The following SLC36A1 variants were observed in gnomAD, a reference collection of about 807,000 sequenced individuals.
The protein encoded by SLC36A1 is proton-coupled amino acid transporter 1.
SLC36A1 carries 30 observed loss-of-function variants against 47.5 expected under a neutral mutation model. That is an observed-to-expected ratio of 0.63 (90% CI 0.47 to 0.86). SLC36A1 has a LOEUF of 0.86. Ranked by LOEUF, SLC36A1 falls within the 40% of genes least tolerant of loss-of-function variation. The probability of loss-of-function intolerance (pLI) is 0.00; values close to 1 mark genes in which losing one functional copy is unlikely to be tolerated. For synonymous variants in SLC36A1, 255 were observed against 249.7 expected (o/e 1.02, Z -0.20); for missense variants, 517 against 606.0 (o/e 0.85, Z 1.54).
intron 1 of SLC36A1, among the ~76,000 whole-genome samples, chr5:151,452,032 C>A (rs1053246372): frequency 6.6e-6 from 1 of 152,118 alleles, no homozygotes; most frequent in African/African-American, 2.4e-5. Flanking sequence ...GGAGCTTGAC[C>A]TTCTCTAAAG....
intron 9 of SLC36A1, 30 bp from the exon 10 acceptor site, chr5:151,479,290 G>T: frequency 6.2e-7 from 1 of 1,610,634 alleles, no homozygotes; most frequent in South Asian, 1.1e-5. Context: ...TGCTGAGCAG[G>T]CTTGGAATGT....
At chr5:151,528,548 G>A in the SLC36A1 span, among the ~76,000 whole-genome samples, 1 of 152,192 alleles carries the variant, frequency 6.6e-6, no homozygotes, top group East Asian at 1.9e-4. Context: ...AGGTTCTTTC[G>A]GGGCTGGAGC....
intron 2 of SLC36A1, among the ~76,000 whole-genome samples, chr5:151,460,980 C>CA (rs1483186423): frequency 6.6e-6 from 1 of 151,364 alleles, no homozygotes; most frequent in African/African-American, 2.4e-5. Context: ...CCATGAGTTT[C>CA]ATGGGTTACT....
chr5:151,359,552 A>T, the SLC36A1 span, among the ~76,000 whole-genome samples: 1 of 152,242 alleles, frequency 6.6e-6, no homozygotes, highest in Non-Finnish European at 1.5e-5. Flanking sequence ...CAATTAAATG[A>T]CTTGAGTAAA....
At chr5:151,351,874 C>T in the SLC36A1 span, among the ~76,000 whole-genome samples, 40,557 of 151,912 alleles carry the variant, frequency 0.27, 7,187 homozygotes, top group African/African-American at 0.5. Flanking sequence ...TGCAACTCCC[C>T]TTCCTGAAAC....
At chr5:151,487,316 C>T (rs1342010112) in intron 10 of SLC36A1, among the ~76,000 whole-genome samples, 1 of 152,228 alleles carries the variant, frequency 6.6e-6, no homozygotes, top group African/African-American at 2.4e-5. Context: ...TGCGGCAGTG[C>T]ACCATTGGTC....
intron 2 of SLC36A1, among the ~76,000 whole-genome samples, chr5:151,460,379 AC>A (rs1330949515): frequency 6.6e-6 from 1 of 152,206 alleles, no homozygotes; most frequent in Non-Finnish European, 1.5e-5. Context: ...CCAACTAGCA[AC>A]TTTAGGATAG....
At chr5:151,546,950 C>A in the SLC36A1 span, among the ~76,000 whole-genome samples, 1 of 152,168 alleles carries the variant, frequency 6.6e-6, no homozygotes, top group Non-Finnish European at 1.5e-5. Context: ...GAGCAAATAT[C>A]TTTGCCCCAT....
Position 151,467,798 on chromosome 5 carries a change from T to C in SLC36A1, c.596T>C (p.Leu199Pro). 3 of 1,613,952 alleles carry C rather than the reference T, an allele frequency of 1.9e-6. No individual in the cohort carries two copies. Among genetic ancestry groups the C allele is most frequent in the Non-Finnish European group, 2.5e-6 (3 of 1,179,966 alleles). The change falls in exon 7 of 11, where the codon CTC (leucine) becomes CCC (proline). Residue 199 changes from leucine (L) to proline (P), a missense_variant. By Grantham distance (98) the Leu-to-Pro change is moderately conservative (BLOSUM62 -3). Coordinates refer to ENST00000243389, the MANE Select transcript of SLC36A1 (RefSeq NM_078483.4). ...ACCATGGACTCGCGACTCTACATGC[T>C]CTCCTTCCTGCCCTTCCTGGTGCTG... is the stretch of plus-strand genomic sequence containing the variant. The part of the protein sequence containing the change: ...TPTMDSRLYM[L>P]SFLPFLVLLV...
At chr5:151,483,476 A>G (rs1759084357) in intron 10 of SLC36A1, among the ~76,000 whole-genome samples, 1 of 144,332 alleles carries the variant, frequency 6.9e-6, no homozygotes, top group Admixed American at 6.9e-5. Flanking sequence ...TTTGTTATAC[A>G]AATGTCTTCC....
At chr5:151,415,632 T>A in the SLC36A1 span, among the ~76,000 whole-genome samples, 4 of 152,178 alleles carry the variant, frequency 2.6e-5, no homozygotes, top group African/African-American at 7.2e-5. Flanking sequence ...TACTACAAGG[T>A]CATAAAACTC....
At chr5:151,458,336 GATATTT>G (rs1561738153) in intron 1 of SLC36A1, among the ~76,000 whole-genome samples, 13 of 88,480 alleles carry the variant, frequency 1.5e-4, no homozygotes, top group African/African-American at 4.9e-4. Context: ...ATATATATGG[GATATTT>G]ATATATATAT....
chr5:151,421,175 T>TC, the SLC36A1 span, among the ~76,000 whole-genome samples: 17 of 34,646 alleles, frequency 4.9e-4, no homozygotes, highest in Admixed American at 2.1e-3. Context: ...GCCCTTTCTC[T>TC]CCTTCCTTCC....
chr5:151,441,924 C>T (rs1312317250), intron 1 of SLC36A1, among the ~76,000 whole-genome samples: 1 of 152,128 alleles, frequency 6.6e-6, no homozygotes, highest in African/African-American at 2.4e-5. Context: ...TTTATAATCA[C>T]CCTCTCTCCT....
At chr5:151,512,502 C>G in the SLC36A1 span, 2 of 1,614,174 alleles carry the variant, frequency 1.2e-6, no homozygotes, top group Non-Finnish European at 8.5e-7. This position sits in a 1 kb window ranked among gnomAD's most constrained non-coding sequence, Gnocchi z 4.1. Context: ...TCTCCTCCAC[C>G]AGGATGGAGT....
At chr5:151,420,472 A>G in the SLC36A1 span, among the ~76,000 whole-genome samples, 20 of 152,254 alleles carry the variant, frequency 1.3e-4, no homozygotes, top group African/African-American at 4.6e-4. Context: ...CCCAGAGACC[A>G]TGCACACTGC....
rs976478254 is a variant in SLC36A1 at position 151,479,634 on chromosome 5, G to A, written c.1159+145G>A. 5 of 798,464 alleles carry A rather than the reference G, an allele frequency of 6.3e-6. No individual in the cohort carries two copies. The African/African-American group carries it at 8.6e-5, about 14-fold the overall frequency. The allele number at this position is 798,464 out of a possible 1,614,324, so 49.5% of individuals were successfully genotyped here. On this transcript the variant is annotated intron_variant, in intron 10 of 10. Transcript: ENST00000243389. ...CCTGGCCCATGGCCTCACTTTCAGAGTTGAGGCACCTCCAGATGGGGAAGT... is the reference window on the plus strand; with the variant it reads ...CCTGGCCCATGGCCTCACTTTCAGAATTGAGGCACCTCCAGATGGGGAAGT...
downstream of SLC36A1, among the ~76,000 whole-genome samples, chr5:151,493,315 A>G (rs887236181): frequency 9.9e-5 from 15 of 152,176 alleles, no homozygotes; most frequent in African/African-American, 3.1e-4. Flanking sequence ...CTCCAATTCA[A>G]TTCTGACACC....
Position 151,466,274 on chromosome 5 carries a change from A to G in SLC36A1, c.420-925A>G, listed in dbSNP as rs76890920. Among the ~76,000 whole-genome samples the G allele has an allele frequency of 7.9e-3, 1,206 of 152,326 alleles. 9 individuals are homozygous for G. Among genetic ancestry groups the G allele is most frequent in the Non-Finnish European group, 0.014 (966 of 68,020 alleles). Reference sequence around the variant, plus strand: ...AAAACTTTGTTTTGATCAAGATAGGACATAAAGTAAAAAGTGAAAGAAAAT... The same window carrying G: ...AAAACTTTGTTTTGATCAAGATAGGGCATAAAGTAAAAAGTGAAAGAAAAT... On this transcript the variant is annotated intron_variant, in intron 5 of 10. Coordinates refer to ENST00000243389, the MANE Select transcript of SLC36A1 (RefSeq NM_078483.4).
Sources: gnomAD v4.1 joint callset for allele counts (sites outside exome capture counted in the v4.1 genomes callset) on GRCh38, gnomAD v4.1.1 for gene constraint, Gnocchi (gnomAD v3.1) non-coding constraint, MANE v1.5 for transcripts, NCBI Gene and HGNC (gene_info 2026-07-23, HGNC 2026-07-21) for gene names.